The following MBNL2 variants were observed in gnomAD, a reference collection of about 807,000 sequenced individuals.
The protein encoded by MBNL2 is muscleblind like splicing regulator 2.
MBNL2 carries 17 observed loss-of-function variants against 41.9 expected under a neutral mutation model. The ratio of observed to expected loss-of-function variants is 0.41; its 90% CI spans 0.28 to 0.61. The LOEUF is 0.61. MBNL2 is among the 20% of genes least tolerant of loss of function. MBNL2 has a pLI of 0.35. For synonymous variants in MBNL2, 195 were observed against 182.9 expected (o/e 1.07, Z -0.53); for missense variants, 336 against 505.6 (o/e 0.66, Z 3.22).
At chr13:97,175,904 G>A in the MBNL2 span, among the ~76,000 whole-genome samples, 1 of 152,150 alleles carries the variant, frequency 6.6e-6, no homozygotes, top group Non-Finnish European at 1.5e-5. Context: ...TCAGGGTCCT[G>A]GTTAGGAAAA....
chr13:97,185,783 T>A, the MBNL2 span, among the ~76,000 whole-genome samples: 12,467 of 152,286 alleles, frequency 0.082, 774 homozygotes, highest in Non-Finnish European at 0.13. Flanking sequence ...TGTGTGTGTC[T>A]TAAGCCACTA....
intron 2 of MBNL2, among the ~76,000 whole-genome samples, chr13:97,316,599 C>T (rs188111494): frequency 6.6e-6 from 1 of 152,296 alleles, no homozygotes; most frequent in Admixed American, 6.5e-5. Context: ...ATGCGTCCTC[C>T]CGAGCCCTTA....
chr13:97,183,208 G>T, the MBNL2 span, among the ~76,000 whole-genome samples: 4 of 151,982 alleles, frequency 2.6e-5, no homozygotes, highest in East Asian at 7.7e-4. Flanking sequence ...TGTTTTCATG[G>T]TTCAGTATCA....
At chr13:97,152,992 AAAG>A in the MBNL2 span, among the ~76,000 whole-genome samples, 1 of 152,162 alleles carries the variant, frequency 6.6e-6, no homozygotes, top group Non-Finnish European at 1.5e-5. Context: ...ATCTCTCAAA[AAAG>A]AAGAATAAAT....
At chr13:97,277,759 A>G (rs1005687437) in intron 2 of MBNL2, among the ~76,000 whole-genome samples, 1 of 152,220 alleles carries the variant, frequency 6.6e-6, no homozygotes, top group African/African-American at 2.4e-5. Context: ...CCTTTTTATC[A>G]TAAAAGGTTT....
At chr13:97,330,982 T>C (rs1056203239) in intron 2 of MBNL2, among the ~76,000 whole-genome samples, 26 of 152,206 alleles carry the variant, frequency 1.7e-4, no homozygotes, top group African/African-American at 2.2e-4. Flanking sequence ...CTTACACAAA[T>C]ACCCTGTAGA....
rs569768618 is a variant in MBNL2 at position 97,268,815 on chromosome 13, G to A, written c.-604-6817G>A. On this transcript the variant is annotated intron_variant, in intron 1 of 8. Transcript: ENST00000679496. This position sits in a 1 kb window ranked among gnomAD's most constrained non-coding sequence, Gnocchi z 4.6. ...ACCCTGTAGGAGTTTACACTGTGGG[G>A]AGGCAGATGGAGAAATCAGTATTTA... Among the ~76,000 whole-genome samples, 5 of 152,222 alleles carry A rather than the reference G, an allele frequency of 3.3e-5. No homozygotes were observed. The highest frequency in any genetic ancestry group is 5.9e-5 in the Non-Finnish European group (4 of 68,038).
Position 97,357,565 on chromosome 13 carries a change from C to T in MBNL2, c.942C>T (p.Pro314=), listed in dbSNP as rs567748263. ...KSNGTSAVFN[P]SVLHYQQALT... is the part of the protein sequence containing the mutation. ...ATGGTACCAGCGCGGTCTTTAACCC[C>T]AGCGTCTTGCACTACCAGCAGGCTC... Residue 314 remains proline (P), a synonymous_variant, in exon 7 of 9, where the codon CCC becomes CCT. Coordinates refer to ENST00000679496, the MANE Select transcript of MBNL2 (RefSeq NM_001382683.1). 5.0e-6 allele frequency: 8 copies of T among 1,613,960 alleles called. No individual in the cohort carries two copies. Among genetic ancestry groups the T allele is most frequent in the Middle Eastern group, 1.6e-4 (1 of 6,062 alleles).
At chr13:97,152,570 A>G in the MBNL2 span, among the ~76,000 whole-genome samples, 97 of 152,352 alleles carry the variant, frequency 6.4e-4, no homozygotes, top group Non-Finnish European at 3.7e-4. Context: ...ATCAACATTC[A>G]GAATAGCATC....
At chr13:97,362,613 G>C (rs1374709318) in intron 7 of MBNL2, among the ~76,000 whole-genome samples, 1 of 152,170 alleles carries the variant, frequency 6.6e-6, no homozygotes, top group Non-Finnish European at 1.5e-5. Context: ...GAGGTAGTCA[G>C]AGACTAGACC....
the MBNL2 span, among the ~76,000 whole-genome samples, chr13:97,171,821 G>T: frequency 6.6e-6 from 1 of 152,122 alleles, no homozygotes; most frequent in African/African-American, 2.4e-5. Flanking sequence ...ATTGAATCAT[G>T]GGGGCAGTTT....
intron 2 of MBNL2, among the ~76,000 whole-genome samples, chr13:97,310,018 T>TG (rs2058448218): frequency 1.3e-5 from 2 of 152,148 alleles, no homozygotes; most frequent in Non-Finnish European, 2.9e-5. Context: ...TTTGAAGAGA[T>TG]TTAACCAAAG....
chr13:97,231,004 G>C (rs2042304458), intron 1 of MBNL2, among the ~76,000 whole-genome samples: 1 of 152,188 alleles, frequency 6.6e-6, no homozygotes, highest in Admixed American at 6.5e-5. Flanking sequence ...CTCTCAAAAT[G>C]TATATATTTT....
chr13:97,278,797 AATTT>A (rs1477803613), intron 2 of MBNL2, among the ~76,000 whole-genome samples: 1 of 152,210 alleles, frequency 6.6e-6, no homozygotes, highest in Non-Finnish European at 1.5e-5. Flanking sequence ...CAGGTTATTT[AATTT>A]GAGTGCAACA....
At chr13:97,231,419 G>T (rs2042364602) in intron 1 of MBNL2, among the ~76,000 whole-genome samples, 1 of 152,190 alleles carries the variant, frequency 6.6e-6, no homozygotes, top group African/African-American at 2.4e-5. Flanking sequence ...AGCTGCTTTG[G>T]AAGTGTCACT....
the MBNL2 span, among the ~76,000 whole-genome samples, chr13:97,154,267 C>T: frequency 0.019 from 2,852 of 152,098 alleles, 82 homozygotes; most frequent in African/African-American, 0.065. Flanking sequence ...AGGCTTTTAG[C>T]TTTCACAGAG....
intron 2 of MBNL2, among the ~76,000 whole-genome samples, chr13:97,322,216 C>T (rs1224943381): frequency 2.6e-5 from 4 of 152,228 alleles, no homozygotes; most frequent in African/African-American, 9.6e-5. Context: ...GCATAGCCTT[C>T]CCCAGCCGGT....
chr13:97,166,806 A>AGATT, the MBNL2 span, among the ~76,000 whole-genome samples: 2 of 150,100 alleles, frequency 1.3e-5, no homozygotes, highest in East Asian at 2.0e-4. Flanking sequence ...ATAGATAGAT[A>AGATT]GATAGATAGA....
At chr13:97,382,094 AGT>A (rs1394185681) in intron 8 of MBNL2, among the ~76,000 whole-genome samples, 2 of 152,168 alleles carry the variant, frequency 1.3e-5, no homozygotes, top group Non-Finnish European at 2.9e-5. Flanking sequence ...ATATTTTCTT[AGT>A]GTGTCCCACA....
Sources: allele counts gnomAD v4.1 joint callset (sites outside exome capture counted in the v4.1 genomes callset), GRCh38; gene constraint gnomAD v4.1.1; non-coding constraint Gnocchi (gnomAD v3.1); transcripts MANE v1.5; gene names NCBI Gene and HGNC (gene_info 2026-07-23, HGNC 2026-07-21).